The following SNED1 variants were observed in gnomAD, a reference collection of about 807,000 sequenced individuals.
SNED1 encodes sushi, nidogen and EGF like domains 1.
Under a neutral mutation model 166.7 loss-of-function variants are expected in SNED1, and 81 were observed. The ratio of observed to expected loss-of-function variants is 0.49; its 90% confidence interval spans 0.41 to 0.58. The LOEUF is 0.58. Among genes scored for constraint, SNED1 ranks in the 20% least tolerant of loss-of-function variants. SNED1 has a pLI of 0.00. For synonymous variants in SNED1, 762 were observed against 822.0 expected, an observed-to-expected ratio of 0.93 and a Z score of 1.25; for missense variants, 1,604 against 2,000.2, an observed-to-expected ratio of 0.80 and a Z score of 3.78.
chr2:241,074,384 A>C (rs2125260512), intron 27 of SNED1: 1 of 152,168 alleles, frequency 6.6e-6, no homozygotes, highest in South Asian at 2.1e-4. Context: ...AGAGTGAAGG[A>C]TTCTCTTAAT....
rs2064266450 is a variant in SNED1 at position 241,094,558 on chromosome 2, TTC to T, written c.*2924_*2925del. On this transcript the variant is annotated 3_prime_UTR_variant, in exon 32 of 32. Transcript: ENST00000310397. The surrounding 1 kb of genome is among the most constrained non-coding windows in gnomAD (Gnocchi z 4.3). Reference sequence around the variant, plus strand: ...CGGCTGAAAAACCAGCTCCTTATTTTTCTTTTAAATAAAATAATACGATCCTA... The same window carrying T: ...CGGCTGAAAAACCAGCTCCTTATTTTTTTTAAATAAAATAATACGATCCTA... 1 of 364,782 alleles carries T rather than the reference TTC, an allele frequency of 2.7e-6. No individual in the cohort carries two copies. The allele number at this position is 364,782 out of a possible 1,614,324, so 22.6% of individuals were successfully genotyped here.
rs1252873193 is a variant in SNED1 at position 241,018,156 on chromosome 2, G to T, written c.214-12128G>T. ...CATTCGCCTTGCCGTGGTCCCTGCT[G>T]TGCTGATTTGGTTAAGTCTTTTTGC... On this transcript the variant is annotated intron_variant, in intron 1 of 31. Transcript: ENST00000310397. The surrounding 1 kb of genome is among the most constrained non-coding windows in gnomAD (Gnocchi z 5.4). Among the ~76,000 whole-genome samples the T allele has an allele frequency of 1.3e-5, 2 of 152,184 alleles. No individual in the cohort carries two copies. The highest frequency in any genetic ancestry group is 4.8e-5 in the African/African-American group (2 of 41,444).
intron 16 of SNED1, among the ~76,000 whole-genome samples, chr2:241,056,923 G>C (rs1400570034): frequency 6.6e-6 from 1 of 152,132 alleles, no homozygotes; most frequent in Non-Finnish European, 1.5e-5. Context: ...AGATCTGTGG[G>C]ACAATATCAA....
Position 241,068,862 on chromosome 2 carries a change from C to G in SNED1, c.3195-49C>G, listed in dbSNP as rs759492023. On this transcript the variant is annotated intron_variant, in intron 22 of 31. Coordinates refer to ENST00000310397, the MANE Select transcript of SNED1 (RefSeq NM_001080437.3). This position sits in a 1 kb window ranked among gnomAD's most constrained non-coding sequence, Gnocchi z 5.3. ...GCTGCGGTCTGGCAGCAGAGTCACA[C>G]ACAGGTCCCAGACATCCCTGTTCTC... 1 of 1,326,418 alleles carries G rather than the reference C, an allele frequency of 7.5e-7. No individual in the cohort carries two copies. Among genetic ancestry groups the G allele is most frequent in the South Asian group, 1.3e-5 (1 of 75,430 alleles). The allele number at this position is 1,326,418 out of a possible 1,614,324, so 82.2% of individuals were successfully genotyped here. A position where few individuals can be genotyped will look rare whatever the true frequency, so the allele number is the denominator to read the frequency against.
Position 240,998,739 on chromosome 2 carries a change from C to T in SNED1, c.-99C>T, listed in dbSNP as rs1297088116. 7 of 440,258 alleles carry T rather than the reference C, an allele frequency of 1.6e-5. No homozygotes were observed. Among genetic ancestry groups the T allele is most frequent in the South Asian group, 1.9e-4 (2 of 10,660 alleles). The allele number at this position is 440,258 out of a possible 1,614,324, so 27.3% of individuals were successfully genotyped here. On this transcript the variant is annotated 5_prime_UTR_variant, in exon 1 of 32. Coordinates refer to ENST00000310397, the MANE Select transcript of SNED1 (RefSeq NM_001080437.3). ...CGCGGCCAGCGGGCGCGCCCGCGCT[C>T]CCCGCACCCCGCCTGGCCCTGCCGG...
At chr2:241,057,380 AATATATATATATAT>A (rs57902432) in intron 16 of SNED1, among the ~76,000 whole-genome samples, 9 of 118,114 alleles carry the variant, frequency 7.6e-5, no homozygotes, top group East Asian at 2.9e-4. Context: ...TCCATCTCAA[AATATATATATATAT>A]ATATATATAT....
At chr2:241,010,710 G>A (rs1029526308) in intron 1 of SNED1, 20 of 152,390 alleles carry the variant, frequency 1.3e-4, no homozygotes, top group African/African-American at 4.3e-4. Context: ...GGTGCCTAAG[G>A]TGCTCAGCTG....
chr2:241,032,573 A>G (rs982027810), intron 2 of SNED1, among the ~76,000 whole-genome samples: 18 of 151,908 alleles, frequency 1.2e-4, no homozygotes, highest in Admixed American at 1.3e-4. Context: ...AACATGGCAC[A>G]TGTATACATA....
At chr2:241,005,407 T>C (rs1242276695) in intron 1 of SNED1, among the ~76,000 whole-genome samples, 2 of 151,628 alleles carry the variant, frequency 1.3e-5, no homozygotes, top group African/African-American at 4.8e-5. Flanking sequence ...TTTCACCATG[T>C]TGGTTAGGCT....
At chr2:241,049,363 A>G (rs1304938461) in intron 11 of SNED1, among the ~76,000 whole-genome samples, 1 of 152,232 alleles carries the variant, frequency 6.6e-6, no homozygotes, top group Non-Finnish European at 1.5e-5. Context: ...CTGCAAGTAT[A>G]CAAACACCAT....
chr2:241,019,702 C>T (rs1480700417), intron 1 of SNED1, among the ~76,000 whole-genome samples: 9 of 152,216 alleles, frequency 5.9e-5, no homozygotes, highest in African/African-American at 1.9e-4. Flanking sequence ...GATCGGAGAG[C>T]ACCCTTACCG....
At chr2:241,004,679 A>G (rs902360265) in intron 1 of SNED1, among the ~76,000 whole-genome samples, 2 of 152,110 alleles carry the variant, frequency 1.3e-5, no homozygotes, top group African/African-American at 4.8e-5. Context: ...TGTCATATAT[A>G]TTACTTTACA....
Position 241,040,395 on chromosome 2 carries a change from G to A in SNED1, c.1255G>A (p.Gly419Arg). 6.3e-7 allele frequency: 1 copy of A among 1,597,600 alleles called. No homozygotes were observed. Among genetic ancestry groups the A allele is most frequent in the Non-Finnish European group, 8.5e-7 (1 of 1,171,682 alleles). The change falls in exon 8 of 32, where the codon GGA (glycine) becomes AGA (arginine). Residue 419 changes from glycine to arginine, a missense_variant. Coordinates refer to ENST00000310397, the MANE Select transcript of SNED1 (RefSeq NM_001080437.3). ...YTCLCAEPFK[G>R]LRCETGDHPV... The stretch of plus-strand genomic sequence containing the variant: ...CTGCTTGTGTGCCGAGCCCTTCAAG[G>A]GACTTCGCTGTGAGACAGGTAACTG...
At position 241,018,737 on chromosome 2, in the gene SNED1, G is replaced by A. The variant is rs554650091; in HGVS notation, c.214-11547G>A. ...GCAGATGAACCCAGCTAGCAGTGCC[G>A]TCAACCAAGCCACCCACATGTTCAT... On this transcript the variant is annotated intron_variant, in intron 1 of 31. Transcript: ENST00000310397. This position sits in a 1 kb window ranked among gnomAD's most constrained non-coding sequence, Gnocchi z 5.4. 1.6e-3 allele frequency among the ~76,000 whole-genome samples: 248 copies of A among 152,246 alleles called. 1 individual carries two copies. The highest frequency in any genetic ancestry group is 5.4e-3 in the African/African-American group (225 of 41,552).
At chr2:241,034,284 G>T (rs529417781) in intron 3 of SNED1, among the ~76,000 whole-genome samples, 20 of 152,296 alleles carry the variant, frequency 1.3e-4, no homozygotes, top group Non-Finnish European at 2.6e-4. Flanking sequence ...AGTGCCTTTG[G>T]GCTGTGCGCA....
At position 241,036,839 on chromosome 2, in the gene SNED1, C is replaced by G; in HGVS notation, c.855C>G (p.Ile285Met). 2 of 1,611,382 alleles carry G rather than the reference C, an allele frequency of 1.2e-6. No homozygotes were observed. The highest frequency in any genetic ancestry group is 1.7e-6 in the Non-Finnish European group (2 of 1,179,682). Reference protein sequence around the residue: ...LRPCLNGGKCIDDCVTGNPSY... With the variant: ...LRPCLNGGKCMDDCVTGNPSY... The stretch of plus-strand genomic sequence containing the variant: ...CCTGCCTCAACGGCGGCAAGTGCAT[C>G]GACGACTGCGTCACGGGCAACCCCT... Residue 285 changes from isoleucine (I) to methionine (M), a missense_variant, in exon 5 of 32, where the codon ATC becomes ATG. By Grantham distance (10) the Ile-to-Met change is conservative. Coordinates refer to ENST00000310397, the MANE Select transcript of SNED1 (RefSeq NM_001080437.3).
At chr2:241,062,517 G>T (rs1441024877) in intron 16 of SNED1, among the ~76,000 whole-genome samples, 1 of 152,100 alleles carries the variant, frequency 6.6e-6, no homozygotes, top group Non-Finnish European at 1.5e-5. Context: ...TGTCCTGTCG[G>T]CCTGAACCAC....
intron 1 of SNED1, among the ~76,000 whole-genome samples, chr2:241,001,542 G>A (rs769175942): frequency 7.9e-5 from 12 of 152,256 alleles, no homozygotes; most frequent in African/African-American, 2.4e-4. Flanking sequence ...TAATGCAGCC[G>A]AGGAGCGTGG....
At chr2:241,056,083 G>A (rs766203393) in intron 16 of SNED1, among the ~76,000 whole-genome samples, 11 of 149,276 alleles carry the variant, frequency 7.4e-5, no homozygotes, top group Admixed American at 6.6e-5. Flanking sequence ...AGAAACAATC[G>A]ATAGAAAAAG....
Sources: allele counts gnomAD v4.1 joint callset (sites outside exome capture counted in the v4.1 genomes callset), GRCh38; gene constraint gnomAD v4.1.1; non-coding constraint Gnocchi (gnomAD v3.1); transcripts MANE v1.5; gene names NCBI Gene and HGNC (gene_info 2026-07-23, HGNC 2026-07-21).